The following RAB27A variants were observed in gnomAD, a reference collection of about 807,000 sequenced individuals.
The protein encoded by RAB27A is RAB27A, member RAS oncogene family, also known as ras-related protein Rab-27A.
In RAB27A, 17 loss-of-function variants were observed where a neutral mutation model predicts 20.8. The observed-to-expected ratio is 0.82, with a 90% CI of 0.56 to 1.23. RAB27A has a LOEUF of 1.23. Ranked by LOEUF, RAB27A falls within the 50% of genes most tolerant of loss-of-function variation. The pLI, the probability that RAB27A is intolerant of heterozygous loss-of-function variation, is 0.00. For missense variants in RAB27A, 277 were observed against 266.7 expected (o/e 1.04, Z -0.27); for synonymous variants, 85 against 92.8 (o/e 0.92, Z 0.48).
chr15:55,214,635 A>G (rs111395422), intron 6 of RAB27A, among the ~76,000 whole-genome samples: 5 of 152,204 alleles, frequency 3.3e-5, no homozygotes, highest in African/African-American at 1.2e-4. Context: ...TGGTCTTCGC[A>G]GTTTTTAAAC....
At chr15:55,248,348 G>C (rs1327149864) in intron 2 of RAB27A, among the ~76,000 whole-genome samples, 2 of 152,024 alleles carry the variant, frequency 1.3e-5, no homozygotes, top group African/African-American at 4.8e-5. Context: ...CTCATCTCCA[G>C]GTACTATTGC....
upstream of RAB27A, among the ~76,000 whole-genome samples, chr15:55,291,632 T>C (rs1291570753): frequency 6.6e-6 from 1 of 150,800 alleles, no homozygotes; most frequent in Non-Finnish European, 1.5e-5. Context: ...AATGTAGTAA[T>C]TGCTAATGGC....
chr15:55,214,391 A>G (rs535325655), intron 6 of RAB27A, among the ~76,000 whole-genome samples: 136 of 152,276 alleles, frequency 8.9e-4, no homozygotes, highest in Non-Finnish European at 1.6e-3. Context: ...AGCCAAGATC[A>G]CGCCACTGCA....
Position 55,302,264 on chromosome 15 carries a change from G to A in RAB27A, c.-112+11775C>T, listed in dbSNP as rs953153910. Among the ~76,000 whole-genome samples the A allele has an allele frequency of 4.6e-5, 7 of 152,060 alleles. No individual in the cohort carries two copies. In the South Asian group the frequency reaches 6.2e-4, roughly 14 times the overall value. On this transcript the variant is annotated intron_variant, in intron 2 of 5. Transcript: ENST00000563262. Reference sequence around the variant, plus strand: ...ACGCCTGACTGGTTTTGGTGGAGACGGGGTTTCGCTGTGTTGGCCGGGCCG... The same window carrying A: ...ACGCCTGACTGGTTTTGGTGGAGACAGGGTTTCGCTGTGTTGGCCGGGCCG...
chr15:55,208,887 C>G (rs1257532848), intron 6 of RAB27A, among the ~76,000 whole-genome samples: 1 of 152,176 alleles, frequency 6.6e-6, no homozygotes, highest in African/African-American at 2.4e-5. Flanking sequence ...TGAATATTGT[C>G]TAGGCAACCA....
chr15:55,207,682 T>C (rs1422032911), intron 6 of RAB27A, among the ~76,000 whole-genome samples: 1 of 152,162 alleles, frequency 6.6e-6, no homozygotes, highest in Non-Finnish European at 1.5e-5. Context: ...TTTTTGTTTT[T>C]GTTTTGTTTT....
At chr15:55,236,307 A>G (rs1487362361) in intron 2 of RAB27A, among the ~76,000 whole-genome samples, 1 of 152,122 alleles carries the variant, frequency 6.6e-6, no homozygotes, top group Non-Finnish European at 1.5e-5. Flanking sequence ...TTATTTCACA[A>G]GTAAATTTAG....
intron 1 of RAB27A, among the ~76,000 whole-genome samples, chr15:55,280,222 TG>T (rs1897978959): frequency 6.6e-6 from 1 of 152,130 alleles, no homozygotes; most frequent in South Asian, 2.1e-4. Context: ...CTATGTTGTT[TG>T]AACAATGCAT....
intron 1 of RAB27A, among the ~76,000 whole-genome samples, chr15:55,318,102 T>C (rs2055070571): frequency 1.3e-5 from 2 of 148,200 alleles, no homozygotes; most frequent in Admixed American, 6.7e-5. Context: ...CTTTTTCTTT[T>C]TTTTTTTTTT....
At chr15:55,214,934 C>G (rs1027920546) in intron 6 of RAB27A, among the ~76,000 whole-genome samples, 1 of 152,064 alleles carries the variant, frequency 6.6e-6, no homozygotes, top group African/African-American at 2.4e-5. Context: ...TCATTATGAT[C>G]TTTCTCAATT....
intron 1 of RAB27A, among the ~76,000 whole-genome samples, chr15:55,314,471 G>T (rs973692006): frequency 6.6e-6 from 1 of 152,152 alleles, no homozygotes; most frequent in Non-Finnish European, 1.5e-5. Context: ...AGGAAGAGAG[G>T]AAGTCAAATT....
At chr15:55,216,927 T>C (rs1895333173) in intron 6 of RAB27A, among the ~76,000 whole-genome samples, 1 of 152,228 alleles carries the variant, frequency 6.6e-6, no homozygotes, top group Non-Finnish European at 1.5e-5. Context: ...TAAATGATGC[T>C]TCTAGCAGAG....
At chr15:55,210,675 A>T (rs1195534275) in intron 6 of RAB27A, among the ~76,000 whole-genome samples, 3 of 152,020 alleles carry the variant, frequency 2.0e-5, no homozygotes, top group Non-Finnish European at 1.5e-5. Context: ...TTAATCCCTG[A>T]TCAGATGGGT....
intron 6 of RAB27A, among the ~76,000 whole-genome samples, chr15:55,209,497 T>C (rs1244602324): frequency 6.6e-6 from 1 of 152,166 alleles, no homozygotes; most frequent in African/African-American, 2.4e-5. Context: ...GGAATAACAT[T>C]CCATTGTATA....
At chr15:55,215,725 G>A (rs1490171862) in intron 6 of RAB27A, among the ~76,000 whole-genome samples, 1 of 150,738 alleles carries the variant, frequency 6.6e-6, no homozygotes, top group African/African-American at 2.5e-5. Context: ...ACTTTGGGAG[G>A]CTGAGACGGG....
intron 1 of RAB27A, among the ~76,000 whole-genome samples, chr15:55,285,311 CAA>C (rs34110185): frequency 2.0e-4 from 19 of 95,912 alleles, no homozygotes; most frequent in Non-Finnish European, 2.9e-4. Context: ...AACAAACAAC[CAA>C]AAAAAAAAAA....
intron 1 of RAB27A, among the ~76,000 whole-genome samples, chr15:55,277,370 C>T (rs1595743291): frequency 6.6e-6 from 1 of 152,236 alleles, no homozygotes; most frequent in African/African-American, 2.4e-5. Context: ...TGGCAGGGCA[C>T]GATGGCTCAT....
chr15:55,273,461 A>C (rs1050686631), intron 1 of RAB27A, among the ~76,000 whole-genome samples: 6 of 151,992 alleles, frequency 3.9e-5, no homozygotes, highest in African/African-American at 1.2e-4. Flanking sequence ...AGAATGACAG[A>C]ATATATATAA....
chr15:55,306,114 G>T (rs1031074520), intron 2 of RAB27A, among the ~76,000 whole-genome samples: 5 of 152,184 alleles, frequency 3.3e-5, no homozygotes, highest in African/African-American at 1.2e-4. Context: ...CTATTCGTGG[G>T]GGGGAGTTAC....
Sources: gnomAD v4.1 joint callset for allele counts (sites outside exome capture counted in the v4.1 genomes callset) on GRCh38, gnomAD v4.1.1 for gene constraint, MANE v1.5 for transcripts, NCBI Gene and HGNC (gene_info 2026-07-23, HGNC 2026-07-21) for gene names.